The following SGCE variants were observed in gnomAD, a reference collection of about 807,000 sequenced individuals.
SGCE encodes sarcoglycan epsilon, also known as epsilon-sarcoglycan.
A neutral mutation model predicts 57.8 loss-of-function variants in SGCE; 26 were observed. That is an observed-to-expected ratio of 0.45 (90% CI 0.33 to 0.62). The LOEUF is 0.62. Ranked by LOEUF, SGCE falls within the 20% of genes least tolerant of loss-of-function variation. The probability of loss-of-function intolerance (pLI) is 0.02; values close to 1 mark genes in which losing one functional copy is unlikely to be tolerated. For missense variants in SGCE, 468 were observed against 548.6 expected (o/e 0.85, Z 1.47); for synonymous variants, 183 against 189.5 (o/e 0.97, Z 0.28).
intron 9 of SGCE, among the ~76,000 whole-genome samples, chr7:94,594,199 A>G (rs1798080409): frequency 6.6e-6 from 1 of 152,148 alleles, no homozygotes. Context: ...TTTGGTCACA[A>G]ACATAACACC....
intron 5 of SGCE, 68 bp downstream of exon 5, chr7:94,618,687 TATA>T (rs1295235695): frequency 7.7e-7 from 1 of 1,293,042 alleles, no homozygotes; most frequent in African/African-American, 1.5e-5. Context: ...ATCTTCCATC[TATA>T]ATAAGTTTGA....
intron 1 of SGCE, chr7:94,639,445 A>AC: frequency 6.6e-7 from 1 of 1,520,346 alleles, no homozygotes; most frequent in Non-Finnish European, 8.8e-7. Flanking sequence ...GCTTAATAAA[A>AC]AAGCTTTTCA....
At chr7:94,629,913 G>T in intron 1 of SGCE, 72 bp from the exon 2 acceptor site, 1 of 1,573,860 alleles carries the variant, frequency 6.4e-7, no homozygotes, top group South Asian at 1.1e-5. Flanking sequence ...TTCAGCTTAC[G>T]CTGTTTATAA....
intron 1 of SGCE, among the ~76,000 whole-genome samples, chr7:94,641,333 G>A (rs1806352421): frequency 6.6e-6 from 1 of 152,196 alleles, no homozygotes; most frequent in Non-Finnish European, 1.5e-5. Flanking sequence ...AGAAATTACA[G>A]TTAATCTTTC....
intron 3 of SGCE, chr7:94,623,883 C>T: frequency 2.8e-6 from 1 of 356,816 alleles, no homozygotes; most frequent in Non-Finnish European, 5.0e-6. Flanking sequence ...ATAAATAACC[C>T]TTTGGAAATC....
chr7:94,643,552 A>T (rs1806681599), intron 1 of SGCE, among the ~76,000 whole-genome samples: 1 of 152,204 alleles, frequency 6.6e-6, no homozygotes, highest in Non-Finnish European at 1.5e-5. Flanking sequence ...AATAAATCCC[A>T]ATAAAAGGAC....
Position 94,634,519 on chromosome 7 carries a change from T to C in SGCE, c.110-4678A>G, listed in dbSNP as rs530377220. 2.1e-4 allele frequency among the ~76,000 whole-genome samples: 32 copies of C among 152,300 alleles called. 2 individuals are homozygous for C. The South Asian group carries it at 6.4e-3, about 31-fold the overall frequency. On this transcript the variant is annotated intron_variant, in intron 1 of 10. Transcript: ENST00000648936. ...GTCATTTCTCATTGCTATCAGTATGTTTCCCATAGCAGCTTCTCTATCCCC... is the reference window on the plus strand; with the variant it reads ...GTCATTTCTCATTGCTATCAGTATGCTTCCCATAGCAGCTTCTCTATCCCC...
intron 5 of SGCE, among the ~76,000 whole-genome samples, chr7:94,616,332 A>T (rs943964530): frequency 2.0e-5 from 3 of 152,214 alleles, no homozygotes; most frequent in Admixed American, 6.5e-5. Flanking sequence ...TAAATAGGAA[A>T]TAATTTCATG....
chr7:94,608,303 T>A (rs761962393), intron 5 of SGCE, among the ~76,000 whole-genome samples: 1 of 152,170 alleles, frequency 6.6e-6, no homozygotes, highest in African/African-American at 2.4e-5. Context: ...GCCACTGCAC[T>A]CCAGCCTGGG....
chr7:94,586,077 A>AC (rs1273505042), intron 10 of SGCE, among the ~76,000 whole-genome samples: 66 of 150,456 alleles, frequency 4.4e-4, no homozygotes, highest in East Asian at 1.9e-3. Context: ...AAAAAAAAAA[A>AC]AAAAAAAAAA....
In SGCE at chr7:94,623,415, C is replaced by A. The variant is rs199922447; in HGVS notation, c.391-18G>T. 6.6e-7 allele frequency: 1 copy of A among 1,512,712 alleles called. No homozygotes were observed. The highest frequency in any genetic ancestry group is 9.2e-7 in the Non-Finnish European group (1 of 1,091,590). 93.7% of individuals were successfully genotyped at this position (1,512,712 alleles called of 1,614,324 possible). On this transcript the variant is annotated intron_variant, in intron 3 of 10. Transcript: ENST00000648936. ...GCAGTTATCTATTATAAAAGGAAAA[C>A]CATATTAAAGAAGTGAAATGTTCTT...
chr7:94,597,475 T>A (rs1459229401), intron 9 of SGCE: 12 of 152,102 alleles, frequency 7.9e-5, no homozygotes, highest in Admixed American at 7.2e-4. Context: ...ATGGGAAAAA[T>A]GTACCCAGCA....
intron 5 of SGCE, among the ~76,000 whole-genome samples, chr7:94,606,331 T>G (rs1043515160): frequency 1.3e-5 from 2 of 152,194 alleles, no homozygotes; most frequent in Non-Finnish European, 2.9e-5. Context: ...GGAGCTATAT[T>G]AATTTCAGAC....
At chr7:94,643,580 C>T in intron 1 of SGCE, among the ~76,000 whole-genome samples, 1 of 152,144 alleles carries the variant, frequency 6.6e-6, no homozygotes, top group East Asian at 1.9e-4. Context: ...TATGGCTCTA[C>T]TCCCCAGGCA....
intron 5 of SGCE, among the ~76,000 whole-genome samples, chr7:94,605,921 T>C (rs1391573177): frequency 6.6e-6 from 1 of 151,952 alleles, no homozygotes; most frequent in Non-Finnish European, 1.5e-5. Flanking sequence ...CTCTGCCTCC[T>C]GGGTTCAAGC....
Position 94,643,951 on chromosome 7 carries a change from A to G in SGCE, c.109+12039T>C, listed in dbSNP as rs146058649. Among the ~76,000 whole-genome samples the G allele has an allele frequency of 4.2e-3, 639 of 152,270 alleles. 3 individuals carry two copies. The highest frequency in any genetic ancestry group is 0.014 in the African/African-American group (570 of 41,566). ...AAATCTAATGTGTAAAGATATGTCAACCTTGTAGAGACTGGTTCTTGGACA... is the reference window on the plus strand; with the variant it reads ...AAATCTAATGTGTAAAGATATGTCAGCCTTGTAGAGACTGGTTCTTGGACA... On this transcript the variant is annotated intron_variant, in intron 1 of 10. Transcript: ENST00000648936.
chr7:94,639,355 G>C (rs1194998078), intron 1 of SGCE: 1 of 1,532,130 alleles, frequency 6.5e-7, no homozygotes, highest in Admixed American at 2.0e-5. Context: ...TTTCATCCCA[G>C]CAGCCATTTT....
intron 4 of SGCE, chr7:94,620,631 T>G (rs1212453774): frequency 6.6e-6 from 1 of 152,230 alleles, no homozygotes; most frequent in Non-Finnish European, 1.5e-5. Context: ...GTCTAAAATC[T>G]ATTCATTTCA....
At chr7:94,652,873 A>G (rs998497038) in intron 1 of SGCE, among the ~76,000 whole-genome samples, 2 of 152,218 alleles carry the variant, frequency 1.3e-5, no homozygotes, top group Admixed American at 6.5e-5. Flanking sequence ...GTAAATCCAT[A>G]GCAATTGTCA....
Sources: allele counts gnomAD v4.1 joint callset (sites outside exome capture counted in the v4.1 genomes callset), GRCh38; gene constraint gnomAD v4.1.1; transcripts MANE v1.5; gene names NCBI Gene and HGNC (gene_info 2026-07-23, HGNC 2026-07-21).